Variants in CIP2A observed in about 807,000 individuals in gnomAD.
CIP2A encodes the protein protein CIP2A.
In CIP2A, 103 loss-of-function variants were observed where a neutral mutation model predicts 110.9. The ratio of observed to expected loss-of-function variants is 0.93; its 90% CI spans 0.79 to 1.09. The LOEUF is 1.09. CIP2A is among the 50% of genes least tolerant of loss of function. The probability of loss-of-function intolerance (pLI) is 0.00; values close to 1 mark genes in which losing one functional copy is unlikely to be tolerated. For synonymous variants in CIP2A, 381 were observed against 361.6 expected, an observed-to-expected ratio of 1.05 and a Z score of -0.61; for missense variants, 1,088 against 1,038.4, an observed-to-expected ratio of 1.05 and a Z score of -0.66.
chr3:108,562,701 C>T (rs956097768), intron 13 of CIP2A, among the ~76,000 whole-genome samples: 2 of 152,082 alleles, frequency 1.3e-5, no homozygotes, highest in Admixed American at 1.3e-4. Context: ...CTCCTATTCT[C>T]CTATCCCAAC....
chr3:108,589,281 T>C lies in CIP2A; in HGVS notation c.95A>G (p.His32Arg). The C allele has an allele frequency of 6.2e-7, 1 of 1,613,534 alleles. No homozygotes were observed. The highest frequency in any genetic ancestry group is 1.7e-5 in the Admixed American group (1 of 60,008). ...TACCCCAGAGCCTCTCACCTCCAAG[T>C]GCCGCAAAAGCTGAGTGGCGTTCGC... is the stretch of plus-strand genomic sequence containing the variant. Reference protein sequence around the residue: ...SEANATQLLRHLEVISGQKLT... With the variant: ...SEANATQLLRRLEVISGQKLT... Residue 32 changes from histidine (H) to arginine (R), a missense_variant, in exon 1 of 21, where the codon CAC becomes CGC. Coordinates refer to ENST00000295746, the MANE Select transcript of CIP2A (RefSeq NM_020890.3).
At chr3:108,584,874 T>C (rs1470150896) in intron 2 of CIP2A, 191 bp downstream of exon 2, 4 of 432,504 alleles carry the variant, frequency 9.2e-6, no homozygotes, top group African/African-American at 6.1e-5. Flanking sequence ...TTCAGTGTAA[T>C]CTATTACAGA....
intron 1 of CIP2A, among the ~76,000 whole-genome samples, chr3:108,588,473 T>C (rs72943562): frequency 0.038 from 5,527 of 147,216 alleles, 332 homozygotes; most frequent in African/African-American, 0.13. Context: ...TTTGGCACAT[T>C]AGTCTTTTAT....
chr3:108,573,557 A>C (rs1234765015), intron 8 of CIP2A, among the ~76,000 whole-genome samples: 1 of 151,916 alleles, frequency 6.6e-6, no homozygotes, highest in African/African-American at 2.4e-5. Context: ...AGACAGTTTA[A>C]TACCTTTAGA....
At chr3:108,588,067 T>C (rs986778680) in intron 1 of CIP2A, among the ~76,000 whole-genome samples, 35 of 152,314 alleles carry the variant, frequency 2.3e-4, no homozygotes, top group African/African-American at 7.9e-4. Context: ...TGTAAGCCCC[T>C]GTGCCTTAAA....
chr3:108,581,542 G>GA (rs745873128), intron 4 of CIP2A, 31 bp from the exon 5 acceptor site: 2 of 1,312,966 alleles, frequency 1.5e-6, no homozygotes, highest in South Asian at 2.5e-5. Context: ...TTTGTTTAAA[G>GA]AAAAAATAGT....
At position 108,559,843 on chromosome 3, in the gene CIP2A, G is replaced by A; in HGVS notation, c.1927C>T (p.Leu643Phe). Residue 643 changes from leucine (L) to phenylalanine (F), a missense_variant, in exon 16 of 21, where the codon CTT becomes TTT. Leu to Phe is a conservative substitution (Grantham distance 22, BLOSUM62 0). Transcript: ENST00000295746. Reference sequence around the variant, plus strand: ...AGGGCTAGAGCTTTTGTTTCCAAAAGATCTTGTAGCCTGCTTTCTTTGGAC... The same window carrying A: ...AGGGCTAGAGCTTTTGTTTCCAAAAAATCTTGTAGCCTGCTTTCTTTGGAC... ...LASKESRLQD[L>F]LETKALALAQ... The A allele has an allele frequency of 6.2e-7, 1 of 1,606,936 alleles. No individual in the cohort carries two copies. Among genetic ancestry groups the A allele is most frequent in the Non-Finnish European group, 8.5e-7 (1 of 1,174,996 alleles).
chr3:108,575,565 T>C (rs1190969296), intron 8 of CIP2A, among the ~76,000 whole-genome samples: 1 of 149,098 alleles, frequency 6.7e-6, no homozygotes, highest in Non-Finnish European at 1.5e-5. Context: ...TATATACGTG[T>C]ATATATACTC....
Position 108,589,349 on chromosome 3 carries a change from G to C in CIP2A, c.27C>G (p.Ser9=). The C allele has an allele frequency of 6.2e-7, 1 of 1,613,866 alleles. No homozygotes were observed. Among genetic ancestry groups the C allele is most frequent in the Non-Finnish European group, 8.5e-7 (1 of 1,179,872 alleles). MDSTACLK[S]LLLTVSQYKA... is the part of the protein sequence containing the mutation. ...TGTACTGACTGACAGTCAGGAGCAA[G>C]GACTTCAAGCAGGCAGTGGAGTCCA... Residue 9 remains serine, a synonymous_variant, in exon 1 of 21, where the codon TCC becomes TCG. Coordinates refer to ENST00000295746, the MANE Select transcript of CIP2A (RefSeq NM_020890.3).
intron 6 of CIP2A, 39 bp from the exon 7 acceptor site, chr3:108,579,465 T>C (rs895278188): frequency 1.3e-6 from 2 of 1,570,766 alleles, no homozygotes; most frequent in Non-Finnish European, 1.7e-6. Flanking sequence ...AGACAAAAAA[T>C]TAAGTTGACA....
At chr3:108,581,542 GA>G (rs745873128) in intron 4 of CIP2A, 31 bp from the exon 5 acceptor site, 1 of 1,312,790 alleles carries the variant, frequency 7.6e-7, no homozygotes, top group Non-Finnish European at 1.1e-6. Flanking sequence ...TTTGTTTAAA[GA>G]AAAAATAGTA....
chr3:108,575,717 CAT>C (rs1938594189), intron 8 of CIP2A, among the ~76,000 whole-genome samples: 1 of 39,242 alleles, frequency 2.5e-5, no homozygotes. Context: ...TACTCATATA[CAT>C]GTGTATATAT....
intron 12 of CIP2A, among the ~76,000 whole-genome samples, chr3:108,564,257 T>C (rs1938107701): frequency 6.6e-6 from 1 of 151,914 alleles, no homozygotes; most frequent in African/African-American, 2.4e-5. Flanking sequence ...AAGCCTGTAC[T>C]AAGAACCAGT....
Position 108,582,964 on chromosome 3 carries a change from T to A in CIP2A, c.357+13A>T. ...AGTAAGGAAAGGGGAATACACTGTGTGGGTCTGTATACCTGCAAAAACACC... is the reference window on the plus strand; with the variant it reads ...AGTAAGGAAAGGGGAATACACTGTGAGGGTCTGTATACCTGCAAAAACACC... On this transcript the variant is annotated intron_variant, in intron 3 of 20. Coordinates refer to ENST00000295746, the MANE Select transcript of CIP2A (RefSeq NM_020890.3). 1 of 1,538,218 alleles carries A rather than the reference T, an allele frequency of 6.5e-7. No homozygotes were observed. Among genetic ancestry groups the A allele is most frequent in the East Asian group, 2.3e-5 (1 of 44,200 alleles).
chr3:108,581,946 CT>C (rs1364537299), intron 4 of CIP2A, among the ~76,000 whole-genome samples, 161 bp downstream of exon 4: 3 of 151,974 alleles, frequency 2.0e-5, no homozygotes, highest in Non-Finnish European at 2.9e-5. Flanking sequence ...ACTTTTACAA[CT>C]TTTGATCCTT....
At chr3:108,553,926 G>T (rs113246266) in intron 18 of CIP2A, among the ~76,000 whole-genome samples, 196 bp from the exon 19 acceptor site, 5,400 of 84,602 alleles carry the variant, frequency 0.064, 440 homozygotes, top group African/African-American at 0.19. Context: ...AAAAGGTCTC[G>T]TTCTGTCACC....
In CIP2A at chr3:108,589,405, A is replaced by ACCACCG. The variant is rs1939239066; in HGVS notation, c.-36_-31dup. 6.6e-7 allele frequency: 1 copy of ACCACCG among 1,519,490 alleles called. No individual in the cohort carries two copies. The highest frequency in any genetic ancestry group is 1.8e-5 in the Admixed American group (1 of 56,566). 94.1% of individuals were successfully genotyped at this position (1,519,490 alleles called of 1,614,324 possible). A position where few individuals can be genotyped will look rare whatever the true frequency, so the allele number is the denominator to read the frequency against. Reference sequence around the variant, plus strand: ...CCGGCCGCGGCCCGGCTTAGGGACCACCACCGCCCAGCGTGCGCCGGCCTT... The same window carrying ACCACCG: ...CCGGCCGCGGCCCGGCTTAGGGACCACCACCGCCACCGCCCAGCGTGCGCCGGCCTT... On this transcript the variant is annotated 5_prime_UTR_variant, in exon 1 of 21. Coordinates refer to ENST00000295746, the MANE Select transcript of CIP2A (RefSeq NM_020890.3).
chr3:108,570,003 T>C (rs1576308235), intron 8 of CIP2A, among the ~76,000 whole-genome samples: 1 of 152,088 alleles, frequency 6.6e-6, no homozygotes, highest in Non-Finnish European at 1.5e-5. Flanking sequence ...CAATAACCGC[T>C]ATAAAGGATA....
Position 108,550,195 on chromosome 3 carries a change from G to C in CIP2A, c.*954C>G, listed in dbSNP as rs2083879305. The C allele has an allele frequency of 6.6e-6, 1 of 151,456 alleles. No homozygotes were observed. Among genetic ancestry groups the C allele is most frequent in the Non-Finnish European group, 1.5e-5 (1 of 67,720 alleles). The allele number at this position is 151,456 out of a possible 1,614,324, so 9.4% of individuals were successfully genotyped here. A position where few individuals can be genotyped will look rare whatever the true frequency, so the allele number is the denominator to read the frequency against. ...TTAGAGGATATGATTCAAATGAAAAGTACAGAAGGACCCTTGTATTTTAAA... is the reference window on the plus strand; with the variant it reads ...TTAGAGGATATGATTCAAATGAAAACTACAGAAGGACCCTTGTATTTTAAA... On this transcript the variant is annotated 3_prime_UTR_variant, in exon 21 of 21. Transcript: ENST00000295746.
Sources: allele counts gnomAD v4.1 joint callset (sites outside exome capture counted in the v4.1 genomes callset), GRCh38; gene constraint gnomAD v4.1.1; transcripts MANE v1.5; gene names NCBI Gene and HGNC (gene_info 2026-07-23, HGNC 2026-07-21).